The following GFRA1 variants were observed in gnomAD, a reference collection of about 807,000 sequenced individuals.
GFRA1 encodes the protein GDNF family receptor alpha-1.
A neutral mutation model predicts 51.6 loss-of-function variants in GFRA1; 16 were observed. The ratio of observed to expected loss-of-function variants is 0.31; its 90% CI spans 0.21 to 0.47. The LOEUF (loss-of-function observed/expected upper bound fraction) is 0.47, where lower values mean the gene tolerates loss of function less well. Among genes scored for constraint, GFRA1 ranks in the 20% least tolerant of loss-of-function variants. The probability of loss-of-function intolerance (pLI) is 1.00; values close to 1 mark genes in which losing one functional copy is unlikely to be tolerated. For synonymous variants in GFRA1, 270 were observed against 241.3 expected, an observed-to-expected ratio of 1.12 and a Z score of -1.10; for missense variants, 530 against 594.3, an observed-to-expected ratio of 0.89 and a Z score of 1.13.
chr10:116,201,684 C>T (rs1361221476), intron 5 of GFRA1, among the ~76,000 whole-genome samples: 5 of 152,136 alleles, frequency 3.3e-5, no homozygotes, highest in Non-Finnish European at 7.4e-5. Context: ...GCTTGGGTCT[C>T]CAGTGAAACC....
At chr10:116,195,856 T>C (rs1455438039) in intron 5 of GFRA1, among the ~76,000 whole-genome samples, 1 of 152,224 alleles carries the variant, frequency 6.6e-6, no homozygotes, top group East Asian at 1.9e-4. Context: ...GAATCTTGAC[T>C]CTGTCCCCGT....
At chr10:116,066,029 T>A (rs1955096071) in intron 9 of GFRA1, among the ~76,000 whole-genome samples, 1 of 152,180 alleles carries the variant, frequency 6.6e-6, no homozygotes, top group African/African-American at 2.4e-5. Context: ...AAGTAATCCC[T>A]CATTTCTTAA....
At chr10:116,237,777 GC>G (rs1448836182) in intron 4 of GFRA1, among the ~76,000 whole-genome samples, 1 of 152,070 alleles carries the variant, frequency 6.6e-6, no homozygotes, top group Non-Finnish European at 1.5e-5. Context: ...TCCCAACTAA[GC>G]CCTGGATAAA....
At chr10:116,154,609 T>C (rs1207470704) in intron 5 of GFRA1, among the ~76,000 whole-genome samples, 3 of 152,234 alleles carry the variant, frequency 2.0e-5, no homozygotes, top group African/African-American at 4.8e-5. Flanking sequence ...TCATGCTTTA[T>C]TTCTCCATTG....
chr10:116,138,856 A>C (rs1016139510), intron 5 of GFRA1, among the ~76,000 whole-genome samples: 15 of 152,186 alleles, frequency 9.9e-5, no homozygotes, highest in Non-Finnish European at 1.5e-5. Context: ...CTTGCTCTTC[A>C]AGCCCTGGTA....
In GFRA1 at chr10:116,093,730, C is replaced by CAAAA; in HGVS notation, c.983_986dup (p.Leu329PhefsTer12). ...GACATGTATTGTCCTTGAAGAAATTCAAAAATTTCAAGCACTCTTCTAGGT... is the reference window on the plus strand; with the variant it reads ...GACATGTATTGTCCTTGAAGAAATTCAAAAAAAAATTTCAAGCACTCTTCTAGGT... On this transcript the variant is annotated frameshift_variant, in exon 8 of 11. Transcript: ENST00000355422. LOFTEE classifies it high-confidence loss of function. 1 of 1,613,828 alleles carries CAAAA rather than the reference C, an allele frequency of 6.2e-7. No individual in the cohort carries two copies. The highest frequency in any genetic ancestry group is 8.5e-7 in the Non-Finnish European group (1 of 1,179,730).
At chr10:116,176,681 C>A (rs753601704) in intron 5 of GFRA1, among the ~76,000 whole-genome samples, 11 of 152,094 alleles carry the variant, frequency 7.2e-5, no homozygotes, top group Non-Finnish European at 1.6e-4. Flanking sequence ...TATAGCAACA[C>A]AAGAATGGCC....
At chr10:116,224,644 A>G (rs376880103) in intron 4 of GFRA1, among the ~76,000 whole-genome samples, 3 of 152,228 alleles carry the variant, frequency 2.0e-5, no homozygotes, top group Non-Finnish European at 4.4e-5. Flanking sequence ...GAATTGGTAA[A>G]TCAAGAGACA....
chr10:116,204,636 C>T (rs1234357520), intron 5 of GFRA1, among the ~76,000 whole-genome samples: 2 of 152,108 alleles, frequency 1.3e-5, no homozygotes, highest in African/African-American at 4.8e-5. Context: ...GTCAAAGGGG[C>T]ATAGAAGCCA....
At chr10:116,255,740 C>T in intron 4 of GFRA1, 1 of 1,289,088 alleles carries the variant, frequency 7.8e-7, no homozygotes, top group Non-Finnish European at 1.0e-6. Context: ...CCCTTCTTTA[C>T]ATGGCATTGC....
In GFRA1 at chr10:116,064,503, T is replaced by C. The variant is rs201621907; in HGVS notation, c.1293A>G (p.Ile431Met). 3.1e-6 allele frequency: 5 copies of C among 1,613,602 alleles called. No individual in the cohort carries two copies. In the East Asian group the frequency reaches 1.1e-4, roughly 36 times the overall value. Residue 431 changes from isoleucine to methionine, a missense_variant, in exon 11 of 11, where the codon ATA becomes ATG. Physicochemically the swap from Ile to Met is conservative, Grantham distance 10. Coordinates refer to ENST00000355422, the MANE Select transcript of GFRA1 (RefSeq NM_005264.8). ...EKEGLGASSH[I>M]TTKSMAAPPS... ...GAGGAGCAGCCATTGATTTTGTGGTTATGTGGCTGGAAGCACCGAGACCTT... is the reference window on the plus strand; with the variant it reads ...GAGGAGCAGCCATTGATTTTGTGGTCATGTGGCTGGAAGCACCGAGACCTT...
At chr10:116,110,235 C>T (rs914995823) in intron 6 of GFRA1, among the ~76,000 whole-genome samples, 3 of 152,142 alleles carry the variant, frequency 2.0e-5, no homozygotes, top group African/African-American at 7.2e-5. Context: ...CCCTCTGCTG[C>T]CCATGATGAC....
intron 5 of GFRA1, among the ~76,000 whole-genome samples, chr10:116,158,149 G>A (rs1430584821): frequency 6.6e-6 from 1 of 152,188 alleles, no homozygotes; most frequent in African/African-American, 2.4e-5. Context: ...CCCCTCACCA[G>A]CAAAGGAAGA....
chr10:116,131,760 T>C (rs187087499), intron 5 of GFRA1, among the ~76,000 whole-genome samples: 76 of 152,136 alleles, frequency 5.0e-4, no homozygotes, highest in Middle Eastern at 3.4e-3. Flanking sequence ...GGGGTGAGGA[T>C]TGGCTAGGAA....
chr10:116,150,869 G>C (rs1025296813), intron 5 of GFRA1, among the ~76,000 whole-genome samples: 1 of 152,150 alleles, frequency 6.6e-6, no homozygotes. Flanking sequence ...AGATGATTCA[G>C]ATGTTAGTTC....
chr10:116,269,085 T>C (rs368509369), intron 4 of GFRA1, among the ~76,000 whole-genome samples: 1 of 152,228 alleles, frequency 6.6e-6, no homozygotes, highest in Non-Finnish European at 1.5e-5. Flanking sequence ...AAGATTATCT[T>C]TGGGCGTCTT....
chr10:116,103,781 A>G (rs1956902739), intron 6 of GFRA1, among the ~76,000 whole-genome samples: 1 of 152,246 alleles, frequency 6.6e-6, no homozygotes, highest in African/African-American at 2.4e-5. Context: ...CTGTTTTTAG[A>G]AAATTACCTT....
In GFRA1 at chr10:116,102,086, C is replaced by G. The variant is rs577138356; in HGVS notation, c.771-5322G>C. Among the ~76,000 whole-genome samples the G allele has an allele frequency of 3.9e-5, 6 of 152,332 alleles. No individual in the cohort carries two copies. In the South Asian group the frequency reaches 1.2e-3, roughly 32 times the overall value. On this transcript the variant is annotated intron_variant, in intron 6 of 10. Transcript: ENST00000355422. ...TGGATCCCTTGTCTCACATACAAGACAGCTGAGGGCCAAAGAGATTAAGCC... is the reference window on the plus strand; with the variant it reads ...TGGATCCCTTGTCTCACATACAAGAGAGCTGAGGGCCAAAGAGATTAAGCC...
intron 4 of GFRA1, among the ~76,000 whole-genome samples, chr10:116,220,074 G>A (rs1251020193): frequency 6.6e-6 from 1 of 152,058 alleles, no homozygotes; most frequent in East Asian, 1.9e-4. Flanking sequence ...TAGCTTATTT[G>A]TAATCTTATG....
Sources: gnomAD v4.1 joint callset for allele counts (sites outside exome capture counted in the v4.1 genomes callset) on GRCh38, gnomAD v4.1.1 for gene constraint, MANE v1.5 for transcripts, NCBI Gene and HGNC (gene_info 2026-07-23, HGNC 2026-07-21) for gene names.